NSRP1: variants seen among roughly 807,000 people sequenced by gnomAD.
The protein encoded by NSRP1 is coiled-coil domain containing 55.
Under a neutral mutation model 54.7 loss-of-function variants are expected in NSRP1, and 24 were observed. That is an observed-to-expected ratio of 0.44 (90% confidence interval 0.32 to 0.62). NSRP1 has a LOEUF of 0.62. Among genes scored for constraint, NSRP1 ranks in the 20% least tolerant of loss-of-function variants. The pLI is 0.06. For missense variants in NSRP1, 596 were observed against 651.2 expected, an observed-to-expected ratio of 0.92 and a Z score of 0.92; for synonymous variants, 210 against 213.8, an observed-to-expected ratio of 0.98 and a Z score of 0.15.
chr17:30,175,588 A>C (rs776416174), intron 3 of NSRP1, among the ~76,000 whole-genome samples: 3 of 151,884 alleles, frequency 2.0e-5, no homozygotes, highest in Non-Finnish European at 4.4e-5. Context: ...GTGCATCACC[A>C]CACCTGGCTA....
intron 2 of NSRP1, among the ~76,000 whole-genome samples, chr17:30,148,040 C>T (rs1182663391): frequency 6.6e-6 from 1 of 152,000 alleles, no homozygotes; most frequent in East Asian, 1.9e-4. Context: ...CTTGCGAACT[C>T]CTGACCTCAA....
chr17:30,128,141 G>T, intron 2 of NSRP1: 1 of 296,924 alleles, frequency 3.4e-6, no homozygotes, highest in Non-Finnish European at 6.1e-6. Flanking sequence ...ACCTGGCTGT[G>T]AACTTAGTAT....
At chr17:30,171,963 CACACACACA>C (rs1904950193) in intron 2 of NSRP1, among the ~76,000 whole-genome samples, 10 of 137,016 alleles carry the variant, frequency 7.3e-5, no homozygotes, top group African/African-American at 2.7e-4. Context: ...CACACACACA[CACACACACA>C]CTCCCTCTCT....
intron 2 of NSRP1, among the ~76,000 whole-genome samples, chr17:30,148,423 A>T (rs922407432): frequency 2.0e-5 from 3 of 152,200 alleles, no homozygotes. Flanking sequence ...GTGACAAATG[A>T]CATATTGAGA....
intron 5 of NSRP1, among the ~76,000 whole-genome samples, 158 bp downstream of exon 5, chr17:30,179,455 G>C (rs1329174371): frequency 6.6e-6 from 1 of 152,186 alleles, no homozygotes; most frequent in East Asian, 1.9e-4. Flanking sequence ...TTATATAGCA[G>C]TATAAAACAG....
At chr17:30,183,908 T>A (rs1905408550) in intron 6 of NSRP1, among the ~76,000 whole-genome samples, 1 of 152,150 alleles carries the variant, frequency 6.6e-6, no homozygotes, top group Non-Finnish European at 1.5e-5. Flanking sequence ...TATAATTTTT[T>A]AAAAAGAAAA....
chr17:30,145,660 CTG>C (rs1597604515), intron 2 of NSRP1, among the ~76,000 whole-genome samples: 1 of 151,990 alleles, frequency 6.6e-6, no homozygotes, highest in Non-Finnish European at 1.5e-5. Flanking sequence ...TTGGTGGCCA[CTG>C]TTGTTTTTCT....
At chr17:30,148,952 T>A (rs866569045) in intron 2 of NSRP1, among the ~76,000 whole-genome samples, 1 of 152,210 alleles carries the variant, frequency 6.6e-6, no homozygotes, top group Admixed American at 6.5e-5. Context: ...ATTTTGTTGA[T>A]TTATTCTCTA....
intron 2 of NSRP1, chr17:30,168,757 G>GA (rs1299743702): frequency 6.6e-6 from 1 of 151,630 alleles, no homozygotes; most frequent in Non-Finnish European, 1.5e-5. Context: ...TACTATTACA[G>GA]AAAAAAGTAA....
At chr17:30,178,403 A>G (rs375581231) in intron 4 of NSRP1, among the ~76,000 whole-genome samples, 1 of 152,138 alleles carries the variant, frequency 6.6e-6, no homozygotes, top group South Asian at 2.1e-4. Flanking sequence ...TTATCTAACA[A>G]TTTTGCTTTT....
At chr17:30,148,635 G>A (rs955075812) in intron 2 of NSRP1, among the ~76,000 whole-genome samples, 3 of 152,184 alleles carry the variant, frequency 2.0e-5, no homozygotes, top group Non-Finnish European at 4.4e-5. Flanking sequence ...CCTCTGGGCT[G>A]TAGCGGTGAT....
At chr17:30,128,980 A>T (rs145375861) in intron 2 of NSRP1, among the ~76,000 whole-genome samples, 3,116 of 150,744 alleles carry the variant, frequency 0.021, 46 homozygotes, top group Non-Finnish European at 0.032. Flanking sequence ...CTCATTTTGA[A>T]CTCCAGGCCT....
chr17:30,143,699 C>A (rs1045575638), intron 2 of NSRP1, among the ~76,000 whole-genome samples: 2 of 152,004 alleles, frequency 1.3e-5, no homozygotes, highest in African/African-American at 4.8e-5. Context: ...GTTAATTAAG[C>A]AATAATTGGA....
At chr17:30,162,541 C>T (rs1202486965) in intron 2 of NSRP1, among the ~76,000 whole-genome samples, 5 of 152,156 alleles carry the variant, frequency 3.3e-5, no homozygotes. Context: ...ACAGGAAGTT[C>T]TCAGCACGAC....
At chr17:30,184,320 CA>C (rs1905425246) in intron 6 of NSRP1, among the ~76,000 whole-genome samples, 1 of 152,058 alleles carries the variant, frequency 6.6e-6, no homozygotes, top group South Asian at 2.1e-4. Flanking sequence ...TTAGGCTTAC[CA>C]AAAAATGAAG....
chr17:30,153,851 C>G (rs1279397671), intron 2 of NSRP1, among the ~76,000 whole-genome samples: 1 of 152,150 alleles, frequency 6.6e-6, no homozygotes, highest in Non-Finnish European at 1.5e-5. Flanking sequence ...AAAATTAGTT[C>G]CTTAGTCACA....
intron 2 of NSRP1, among the ~76,000 whole-genome samples, chr17:30,146,238 A>G (rs60694493): frequency 0.38 from 57,923 of 151,968 alleles, 13,526 homozygotes; most frequent in East Asian, 0.82. Context: ...TGATCAAACT[A>G]TTTGTGGACT....
intron 3 of NSRP1, among the ~76,000 whole-genome samples, chr17:30,173,164 G>A (rs1226080873): frequency 2.0e-5 from 3 of 152,056 alleles, no homozygotes; most frequent in Non-Finnish European, 2.9e-5. Flanking sequence ...GGGTTTCACC[G>A]TGTTGGTCAG....
chr17:30,132,076 G>T (rs1020316232), intron 2 of NSRP1, among the ~76,000 whole-genome samples: 1 of 151,594 alleles, frequency 6.6e-6, no homozygotes, highest in African/African-American at 2.4e-5. Flanking sequence ...GTGAAACCCC[G>T]TCTCTACTAA....
Sources: gnomAD v4.1 joint callset for allele counts (sites outside exome capture counted in the v4.1 genomes callset) on GRCh38, gnomAD v4.1.1 for gene constraint, MANE v1.5 for transcripts, NCBI Gene and HGNC (gene_info 2026-07-23, HGNC 2026-07-21) for gene names.